The following DNAH3 variants were observed in gnomAD, a reference collection of about 807,000 sequenced individuals.
DNAH3 encodes axonemal beta dynein heavy chain 3.
Under a neutral mutation model 432.5 loss-of-function variants are expected in DNAH3, and 332 were observed. That is an observed-to-expected ratio of 0.77 (90% CI 0.70 to 0.84). The LOEUF is 0.84. Among genes scored for constraint, DNAH3 ranks in the 40% least tolerant of loss-of-function variants. The probability of loss-of-function intolerance (pLI) is 0.00; values close to 1 mark genes in which losing one functional copy is unlikely to be tolerated. For synonymous variants in DNAH3, 1,956 were observed against 1,900.2 expected (o/e 1.03, Z -0.76); for missense variants, 4,861 against 5,114.0 (o/e 0.95, Z 1.51).
In DNAH3 at chr16:21,033,959, G is replaced by C; in HGVS notation, c.5197+15C>G. The stretch of plus-strand genomic sequence containing the variant: ...GAGTTCTGTCCTCCCTGGAAGCCAG[G>C]GATGTGAGCTTTACCTGCGTGTAAA... On this transcript the variant is annotated intron_variant, in intron 36 of 61. Transcript: ENST00000261383. 1 of 1,598,870 alleles carries C rather than the reference G, an allele frequency of 6.3e-7. No homozygotes were observed. Among genetic ancestry groups the C allele is most frequent in the Non-Finnish European group, 8.6e-7 (1 of 1,167,092 alleles).
intron 51 of DNAH3, among the ~76,000 whole-genome samples, chr16:20,974,053 GCT>G (rs2085465121): frequency 6.6e-6 from 1 of 152,116 alleles, no homozygotes. Flanking sequence ...ACTGGGTCTT[GCT>G]CTGTCACCCA....
At chr16:21,111,792 T>C in exon 14 of DNAH3, 2 of 1,613,618 alleles carry the variant, frequency 1.2e-6, no homozygotes, top group East Asian at 2.2e-5. Flanking sequence ...CGTTTCTTTA[T>C]GGCATTGATC....
chr16:20,954,232 A>C (rs947360792), intron 55 of DNAH3, among the ~76,000 whole-genome samples: 12 of 151,500 alleles, frequency 7.9e-5, no homozygotes, highest in African/African-American at 2.7e-4. Flanking sequence ...CAAAAAAAAA[A>C]AAAAAAATTC....
chr16:20,940,416 CAA>C (rs1289031966), intron 59 of DNAH3, among the ~76,000 whole-genome samples: 4 of 151,864 alleles, frequency 2.6e-5, no homozygotes, highest in Non-Finnish European at 4.4e-5. Context: ...GGACGTATTT[CAA>C]AAGACTATTG....
intron 1 of DNAH3, chr16:21,150,491 G>A (rs1483349900): frequency 3.0e-6 from 1 of 332,078 alleles, no homozygotes; most frequent in African/African-American, 2.2e-5. Flanking sequence ...TGTTCATGAG[G>A]TTGCCTCTCT....
At chr16:21,086,933 C>T in exon 19 of DNAH3, 1 of 1,614,216 alleles carries the variant, frequency 6.2e-7, no homozygotes, top group South Asian at 1.1e-5. Flanking sequence ...CGATCTTGAT[C>T]TTCACATTCT....
chr16:21,003,082 T>C, intron 42 of DNAH3, 22 bp downstream of exon 42: 1 of 1,476,838 alleles, frequency 6.8e-7, no homozygotes, highest in Non-Finnish European at 9.5e-7. Context: ...CAAAGTTCCA[T>C]GGCCAATGAT....
chr16:21,009,962 AGAG>A (rs1483838960), intron 41 of DNAH3, among the ~76,000 whole-genome samples: 1 of 136,858 alleles, frequency 7.3e-6, no homozygotes, highest in Non-Finnish European at 1.6e-5. Flanking sequence ...AGGGAAGGGA[AGAG>A]GAGAAGAGAA....
intron 56 of DNAH3, among the ~76,000 whole-genome samples, chr16:20,949,330 AAAAT>A (rs557769793): frequency 5.3e-5 from 8 of 150,960 alleles, no homozygotes; most frequent in African/African-American, 1.7e-4. Flanking sequence ...TTCGTCTCAA[AAAAT>A]AAATAAATAA....
intron 31 of DNAH3, 62 bp downstream of exon 31, chr16:21,049,507 A>C: frequency 1.5e-6 from 2 of 1,354,560 alleles, no homozygotes; most frequent in Non-Finnish European, 2.1e-6. Flanking sequence ...AGGGGTGCAG[A>C]GCCAAGAAAA....
chr16:21,043,116 A>G (rs1371195055), intron 31 of DNAH3, among the ~76,000 whole-genome samples: 1 of 151,970 alleles, frequency 6.6e-6, no homozygotes, highest in African/African-American at 2.4e-5. Context: ...ATTGTGAATA[A>G]TGCTGCAGTA....
exon 52 of DNAH3, chr16:20,969,980 T>C (rs749464898): frequency 6.2e-7 from 1 of 1,613,782 alleles, no homozygotes; most frequent in African/African-American, 1.3e-5. Context: ...TAGGTCCCCC[T>C]CACATTCGTT....
At chr16:21,057,867 T>C (rs552783046) in intron 27 of DNAH3, among the ~76,000 whole-genome samples, 45 of 152,280 alleles carry the variant, frequency 3.0e-4, no homozygotes, top group African/African-American at 1.1e-3. Flanking sequence ...AGAATTTCTG[T>C]CTGGGAAGGA....
At chr16:21,005,664 C>G (rs1169940167) in intron 41 of DNAH3, among the ~76,000 whole-genome samples, 6 of 150,398 alleles carry the variant, frequency 4.0e-5, no homozygotes, top group Non-Finnish European at 8.9e-5. Flanking sequence ...CAGGCATGAG[C>G]CACCATGCCC....
intron 19 of DNAH3, among the ~76,000 whole-genome samples, chr16:21,085,914 G>A (rs1054268156): frequency 6.6e-6 from 1 of 152,054 alleles, no homozygotes; most frequent in African/African-American, 2.4e-5. Context: ...CCACAAATGT[G>A]CACCACTACA....
chr16:20,935,562 A>T (rs2083556838), intron 60 of DNAH3, 77 bp from the exon 61 acceptor site: 1 of 1,482,810 alleles, frequency 6.7e-7, no homozygotes. Context: ...TGTAACGAGT[A>T]CCATATAAAA....
At chr16:21,034,323 CTA>C (rs1161690581) in intron 35 of DNAH3, among the ~76,000 whole-genome samples, 1 of 152,170 alleles carries the variant, frequency 6.6e-6, no homozygotes, top group East Asian at 1.9e-4. Context: ...CTGTACTTGT[CTA>C]TGTGTTAAGA....
intron 41 of DNAH3, among the ~76,000 whole-genome samples, chr16:21,005,128 CTCTT>C (rs1162761417): frequency 2.6e-5 from 4 of 151,852 alleles, no homozygotes; most frequent in Non-Finnish European, 4.4e-5. Flanking sequence ...AATTTTCTTC[CTCTT>C]TCTCTTCTTT....
In DNAH3 at chr16:20,973,841, G is replaced by A. The variant is rs192201809; in HGVS notation, c.8259+1392C>T. Among the ~76,000 whole-genome samples, 144 of 152,214 alleles carry A rather than the reference G, an allele frequency of 9.5e-4. 1 individual carries two copies. Among genetic ancestry groups the A allele is most frequent in the African/African-American group, 3.3e-3 (135 of 41,532 alleles). On this transcript the variant is annotated intron_variant, in intron 51 of 61. Transcript: ENST00000261383. ...TAGCAAAAATACAATGGAGACGAAG[G>A]AAACAGCCATGTGGATATCAAAAGG...
Sources: gnomAD v4.1 joint callset for allele counts (sites outside exome capture counted in the v4.1 genomes callset) on GRCh38, gnomAD v4.1.1 for gene constraint, MANE v1.5 for transcripts, NCBI Gene and HGNC (gene_info 2026-07-23, HGNC 2026-07-21) for gene names.